Variants in MB21D2 observed in about 807,000 individuals in gnomAD.
The protein encoded by MB21D2 is nucleotidyltransferase MB21D2.
In MB21D2, 9 loss-of-function variants were observed where a neutral mutation model predicts 33.3. That is an observed-to-expected ratio of 0.27 (90% confidence interval 0.16 to 0.47). The LOEUF (loss-of-function observed/expected upper bound fraction) is 0.47, where lower values mean the gene tolerates loss of function less well. Among genes scored for constraint, MB21D2 ranks in the 20% least tolerant of loss-of-function variants. MB21D2 has a pLI of 0.99. For missense variants in MB21D2, 540 were observed against 624.6 expected, an observed-to-expected ratio of 0.86 and a Z score of 1.44; for synonymous variants, 241 against 236.3, an observed-to-expected ratio of 1.02 and a Z score of -0.18.
chr3:192,883,290 T>G (rs1207819353), intron 1 of MB21D2, among the ~76,000 whole-genome samples: 1 of 152,126 alleles, frequency 6.6e-6, no homozygotes, highest in African/African-American at 2.4e-5. Flanking sequence ...CATTAACGAG[T>G]TAAATACATC....
chr3:192,876,936 G>T (rs551840880), intron 1 of MB21D2, among the ~76,000 whole-genome samples: 1 of 152,146 alleles, frequency 6.6e-6, no homozygotes, highest in East Asian at 1.9e-4. Flanking sequence ...CTAATAGTCC[G>T]CTGGTTGAGT....
At chr3:192,814,392 C>T (rs1711865114) in intron 1 of MB21D2, among the ~76,000 whole-genome samples, 1 of 152,112 alleles carries the variant, frequency 6.6e-6, no homozygotes, top group Non-Finnish European at 1.5e-5. Context: ...TTTTCAGTAT[C>T]TGGGTAAAAA....
intron 1 of MB21D2, among the ~76,000 whole-genome samples, chr3:192,808,427 T>C (rs1478331707): frequency 2.0e-5 from 3 of 152,254 alleles, no homozygotes; most frequent in Admixed American, 2.0e-4. Context: ...CATCTTCAAA[T>C]ATCTGATAAG....
chr3:192,806,743 C>T (rs1238454110), intron 1 of MB21D2, among the ~76,000 whole-genome samples: 2 of 152,176 alleles, frequency 1.3e-5, no homozygotes, highest in African/African-American at 4.8e-5. Context: ...CATATGTTTA[C>T]TAATCATCTA....
Position 192,799,670 on chromosome 3 carries a change from AAAC to A in MB21D2, c.212-23_212-21del. Reference sequence around the variant, plus strand: ...CCATTCCTGGAAATAAAGAAGAAAAAAACAACACTATTACAGGAAACACAGACA... The same window carrying A: ...CCATTCCTGGAAATAAAGAAGAAAAAAACACTATTACAGGAAACACAGACA... On this transcript the variant is annotated intron_variant, in intron 1 of 1. Transcript: ENST00000392452. The surrounding 1 kb of genome is among the most constrained non-coding windows in gnomAD (Gnocchi z 4.1). 6.2e-7 allele frequency: 1 copy of A among 1,602,754 alleles called. No individual in the cohort carries two copies.
chr3:192,873,713 T>G (rs1713368595), intron 1 of MB21D2, among the ~76,000 whole-genome samples: 1 of 152,154 alleles, frequency 6.6e-6, no homozygotes, highest in Non-Finnish European at 1.5e-5. Flanking sequence ...TTGTTTTTGT[T>G]TTTGTTTTGA....
At chr3:192,831,172 T>G (rs1224411324) in intron 1 of MB21D2, among the ~76,000 whole-genome samples, 1 of 152,154 alleles carries the variant, frequency 6.6e-6, no homozygotes, top group Non-Finnish European at 1.5e-5. Context: ...CATGCTTGGG[T>G]GGAAGCCAGT....
At chr3:192,909,648 C>T (rs771879709) in intron 1 of MB21D2, among the ~76,000 whole-genome samples, 2 of 152,006 alleles carry the variant, frequency 1.3e-5, no homozygotes, top group African/African-American at 2.4e-5. Flanking sequence ...TGAAGAGCCT[C>T]GGCCAGACAC....
chr3:192,835,577 T>C (rs536511613), intron 1 of MB21D2, among the ~76,000 whole-genome samples: 1 of 149,822 alleles, frequency 6.7e-6, no homozygotes, highest in East Asian at 2.0e-4. Context: ...CAGAAAAAAA[T>C]GATGACAATT....
intron 1 of MB21D2, among the ~76,000 whole-genome samples, chr3:192,872,334 T>C (rs1269162859): frequency 2.0e-5 from 3 of 152,116 alleles, no homozygotes; most frequent in Non-Finnish European, 4.4e-5. Context: ...CCCAGCACTT[T>C]GGGAGGCCGA....
intron 1 of MB21D2, among the ~76,000 whole-genome samples, chr3:192,822,197 T>A (rs1239247776): frequency 9.6e-6 from 1 of 104,622 alleles, no homozygotes; most frequent in African/African-American, 3.8e-5. Flanking sequence ...GGGGTGGGGG[T>A]GGGAGGTTGG....
At chr3:192,890,750 T>C (rs1250921969) in intron 1 of MB21D2, among the ~76,000 whole-genome samples, 1 of 152,062 alleles carries the variant, frequency 6.6e-6, no homozygotes, top group East Asian at 1.9e-4. Flanking sequence ...AAATGATACA[T>C]GCTCTGAGGA....
intron 1 of MB21D2, among the ~76,000 whole-genome samples, chr3:192,824,525 AAATAAAG>A (rs1560231568): frequency 1.5e-5 from 2 of 133,968 alleles, no homozygotes; most frequent in African/African-American, 5.3e-5. Flanking sequence ...ATAAATAAAT[AAATAAAG>A]TTTCTGGACA....
chr3:192,810,316 T>G (rs756339712), intron 1 of MB21D2, among the ~76,000 whole-genome samples: 19 of 152,222 alleles, frequency 1.2e-4, no homozygotes, highest in Admixed American at 1.2e-3. Flanking sequence ...TCACTATCCA[T>G]GTAAAAGAGA....
intron 1 of MB21D2, among the ~76,000 whole-genome samples, chr3:192,833,766 C>T (rs1215842867): frequency 1.3e-5 from 2 of 152,174 alleles, no homozygotes; most frequent in East Asian, 3.9e-4. Context: ...GATAGTGTTA[C>T]TCGCTGTTGT....
At chr3:192,818,630 T>C (rs1390788380) in intron 1 of MB21D2, among the ~76,000 whole-genome samples, 1 of 152,176 alleles carries the variant, frequency 6.6e-6, no homozygotes, top group Non-Finnish European at 1.5e-5. Flanking sequence ...TCTTCAACCA[T>C]TTTTAAAGGT....
intron 1 of MB21D2, among the ~76,000 whole-genome samples, chr3:192,854,683 C>T (rs1577184586): frequency 6.6e-6 from 1 of 152,178 alleles, no homozygotes; most frequent in East Asian, 1.9e-4. Context: ...CTTTAAAGGG[C>T]AGGCTGACTC....
In MB21D2 at chr3:192,799,604, G is replaced by A; in HGVS notation, c.258C>T (p.Tyr86=). The part of the protein sequence containing the change: ...LDQKLPVANE[Y]LLLSGGVREG... ...CCCGGACACCTCCAGAGAGCAACAG[G>A]TATTCATTAGCCACTGGAAGCTTTT... Residue 86 remains tyrosine (Y), a synonymous_variant, in exon 2 of 2, where the codon TAC becomes TAT. Transcript: ENST00000392452. This position sits in a 1 kb window ranked among gnomAD's most constrained non-coding sequence, Gnocchi z 4.1. The A allele has an allele frequency of 6.2e-7, 1 of 1,613,256 alleles. No homozygotes were observed. Among genetic ancestry groups the A allele is most frequent in the Non-Finnish European group, 8.5e-7 (1 of 1,179,720 alleles).
At chr3:192,906,974 G>A (rs762770206) in intron 1 of MB21D2, among the ~76,000 whole-genome samples, 2 of 152,194 alleles carry the variant, frequency 1.3e-5, no homozygotes, top group Admixed American at 6.5e-5. Context: ...GTCTTCTTGC[G>A]TTAAGGAAAA....
Sources: allele counts gnomAD v4.1 joint callset (sites outside exome capture counted in the v4.1 genomes callset), GRCh38; gene constraint gnomAD v4.1.1; non-coding constraint Gnocchi (gnomAD v3.1); transcripts MANE v1.5; gene names NCBI Gene and HGNC (gene_info 2026-07-23, HGNC 2026-07-21).